The following EPHA5 variants were observed in gnomAD, a reference collection of about 807,000 sequenced individuals.
EPHA5 encodes ephrin type-A receptor 5.
Under a neutral mutation model 105.0 loss-of-function variants are expected in EPHA5, and 60 were observed. The observed-to-expected ratio is 0.57, with a 90% CI of 0.46 to 0.71. The LOEUF is 0.71. Among genes scored for constraint, EPHA5 ranks in the 30% least tolerant of loss-of-function variants. EPHA5 has a pLI of 0.00. For missense variants in EPHA5, 1,218 were observed against 1,274.7 expected (o/e 0.96, Z 0.68); for synonymous variants, 513 against 449.1 (o/e 1.14, Z -1.80).
intron 1 of EPHA5, among the ~76,000 whole-genome samples, chr4:65,662,863 C>T (rs1749668934): frequency 6.6e-6 from 1 of 152,056 alleles, no homozygotes; most frequent in Non-Finnish European, 1.5e-5. Context: ...ACACTCAGCA[C>T]ACACCCATGG....
At chr4:65,440,455 T>A (rs552223861) in intron 5 of EPHA5, among the ~76,000 whole-genome samples, 3 of 151,462 alleles carry the variant, frequency 2.0e-5, no homozygotes. Flanking sequence ...AAGGAAAATA[T>A]GTAAATCTTT....
chr4:65,644,562 A>G (rs78611017), intron 1 of EPHA5, among the ~76,000 whole-genome samples: 5,216 of 152,138 alleles, frequency 0.034, 285 homozygotes, highest in African/African-American at 0.12. Context: ...GTGTAAGCCT[A>G]AAGTACTAAA....
At chr4:65,408,358 T>C (rs1722573307) in intron 7 of EPHA5, among the ~76,000 whole-genome samples, 1 of 152,124 alleles carries the variant, frequency 6.6e-6, no homozygotes, top group Non-Finnish European at 1.5e-5. Context: ...AGAAAATTAG[T>C]TTATTAATGA....
chr4:65,390,480 C>T (rs765219906), intron 8 of EPHA5, among the ~76,000 whole-genome samples: 7 of 152,072 alleles, frequency 4.6e-5, no homozygotes, highest in African/African-American at 1.2e-4. Flanking sequence ...CCATACCTTC[C>T]GTTTCTAGGA....
At position 65,365,989 on chromosome 4, in the gene EPHA5, C is replaced by T. The variant is rs1211795184; in HGVS notation, c.1930G>A (p.Glu644Lys). 5 of 1,609,326 alleles carry T rather than the reference C, an allele frequency of 3.1e-6. No homozygotes were observed. The highest frequency in any genetic ancestry group is 1.3e-5 in the African/African-American group (1 of 74,732). The change falls in exon 10 of 17, where the codon GAA becomes AAA. Residue 644 changes from glutamate to lysine, a missense_variant. Transcript: ENST00000613740. ...TYEDPNQAVH[E>K]FAKEIEASCI... ...GATGCTTCTATCTCCTTAGCAAATT[C>T]GTGGACAGCTTGATTGGGATCCTCA...
At chr4:65,392,952 T>C (rs1720869477) in intron 8 of EPHA5, among the ~76,000 whole-genome samples, 1 of 152,188 alleles carries the variant, frequency 6.6e-6, no homozygotes, top group Non-Finnish European at 1.5e-5. Context: ...ATTTACACAA[T>C]GCCCTATAAT....
intron 2 of EPHA5, among the ~76,000 whole-genome samples, chr4:65,626,204 A>G (rs1482316877): frequency 6.6e-6 from 1 of 152,154 alleles, no homozygotes; most frequent in Non-Finnish European, 1.5e-5. Flanking sequence ...AAAATGGATT[A>G]TGTAAAACAT....
intron 2 of EPHA5, among the ~76,000 whole-genome samples, chr4:65,634,996 A>G (rs2149497803): frequency 6.6e-6 from 1 of 152,236 alleles, no homozygotes; most frequent in South Asian, 2.1e-4. Context: ...ACAAACATGC[A>G]CACTATTGTC....
chr4:65,527,735 T>G (rs1735373955), intron 3 of EPHA5, among the ~76,000 whole-genome samples: 1 of 152,066 alleles, frequency 6.6e-6, no homozygotes, highest in Admixed American at 6.6e-5. Flanking sequence ...TGCAGGTTTG[T>G]TACACAGGTA....
At chr4:65,354,983 T>G (rs1291861809) in intron 11 of EPHA5, among the ~76,000 whole-genome samples, 1 of 151,818 alleles carries the variant, frequency 6.6e-6, no homozygotes, top group African/African-American at 2.4e-5. Flanking sequence ...TAAAAATGTT[T>G]GTCTAAAATA....
At chr4:65,578,232 CTTTT>C (rs1156769282) in intron 3 of EPHA5, among the ~76,000 whole-genome samples, 2 of 152,056 alleles carry the variant, frequency 1.3e-5, no homozygotes, top group African/African-American at 4.8e-5. Flanking sequence ...TAGTCTTTTT[CTTTT>C]TGTCAGGGGG....
intron 3 of EPHA5, among the ~76,000 whole-genome samples, chr4:65,513,127 T>C (rs1180587943): frequency 6.6e-6 from 1 of 152,158 alleles, no homozygotes; most frequent in African/African-American, 2.4e-5. Context: ...TCTGATGATT[T>C]ATGTCATATG....
chr4:65,629,015 T>C (rs1746397522), intron 2 of EPHA5, among the ~76,000 whole-genome samples: 1 of 152,178 alleles, frequency 6.6e-6, no homozygotes, highest in African/African-American at 2.4e-5. Context: ...CTAGATAAAA[T>C]GCTAAGAAAT....
intron 5 of EPHA5, among the ~76,000 whole-genome samples, chr4:65,451,990 A>G (rs949691065): frequency 6.6e-6 from 1 of 152,200 alleles, no homozygotes; most frequent in Non-Finnish European, 1.5e-5. Flanking sequence ...AGTTAAAGCT[A>G]ATGTTTCATC....
chr4:65,474,042 GAT>G, intron 5 of EPHA5, among the ~76,000 whole-genome samples: 1 of 150,040 alleles, frequency 6.7e-6, no homozygotes, highest in Non-Finnish European at 1.5e-5. Context: ...AGAGGGGAGG[GAT>G]AGCATTAGGA....
At chr4:65,340,545 T>C (rs1349448) in intron 14 of EPHA5, among the ~76,000 whole-genome samples, 145,962 of 151,996 alleles carry the variant, frequency 0.96, 70,298 homozygotes, top group Non-Finnish European at 1. Flanking sequence ...TAAGCTACCA[T>C]GACCTGCCAA....
chr4:65,345,224 C>A (rs1041165134), intron 14 of EPHA5, among the ~76,000 whole-genome samples: 4 of 152,118 alleles, frequency 2.6e-5, no homozygotes, highest in Admixed American at 6.5e-5. Flanking sequence ...AGTCAGTGCT[C>A]CCCTCCCCAA....
At chr4:65,619,550 G>A (rs1451601023) in intron 2 of EPHA5, among the ~76,000 whole-genome samples, 1 of 152,034 alleles carries the variant, frequency 6.6e-6, no homozygotes, top group Non-Finnish European at 1.5e-5. Context: ...TTTGATTTAT[G>A]CAGCATGGTT....
intron 3 of EPHA5, among the ~76,000 whole-genome samples, chr4:65,595,885 G>C (rs1743130076): frequency 6.6e-6 from 1 of 152,148 alleles, no homozygotes; most frequent in South Asian, 2.1e-4. Flanking sequence ...TATCTCACAA[G>C]ATTTTTATGA....
Sources: gnomAD v4.1 joint callset for allele counts (sites outside exome capture counted in the v4.1 genomes callset) on GRCh38, gnomAD v4.1.1 for gene constraint, MANE v1.5 for transcripts, NCBI Gene and HGNC (gene_info 2026-07-23, HGNC 2026-07-21) for gene names.